Variants in TTLL5 observed in about 807,000 individuals in gnomAD.
TTLL5 encodes tubulin tyrosine ligase like 5.
Under a neutral mutation model 168.4 loss-of-function variants are expected in TTLL5, and 132 were observed. The ratio of observed to expected loss-of-function variants is 0.78; its 90% CI spans 0.68 to 0.91. TTLL5 has a LOEUF of 0.91. TTLL5 is among the 40% of genes least tolerant of loss of function. TTLL5 has a pLI of 0.00. For missense variants in TTLL5, 1,545 were observed against 1,581.5 expected, an observed-to-expected ratio of 0.98 and a Z score of 0.39; for synonymous variants, 546 against 558.6, an observed-to-expected ratio of 0.98 and a Z score of 0.32.
intron 28 of TTLL5, among the ~76,000 whole-genome samples, chr14:75,845,742 T>C (rs987218766): frequency 2.0e-5 from 3 of 152,218 alleles, no homozygotes; most frequent in African/African-American, 7.2e-5. Context: ...CTGAGGTAAC[T>C]GATGGCCCAA....
chr14:75,946,047 G>T (rs1282641026), intron 31 of TTLL5, among the ~76,000 whole-genome samples: 1 of 152,326 alleles, frequency 6.6e-6, no homozygotes, highest in Non-Finnish European at 1.5e-5. Context: ...ACACGCAAAA[G>T]AGTTTGTCAC....
intron 29 of TTLL5, among the ~76,000 whole-genome samples, chr14:75,879,157 G>A (rs751898569): frequency 3.3e-5 from 5 of 152,182 alleles, no homozygotes; most frequent in Non-Finnish European, 5.9e-5. Flanking sequence ...AAGTACACAC[G>A]TAAGTGGCTA....
At chr14:75,826,940 C>G (rs1566621052) in intron 28 of TTLL5, among the ~76,000 whole-genome samples, 2 of 152,198 alleles carry the variant, frequency 1.3e-5, no homozygotes, top group Admixed American at 6.6e-5. Context: ...CTGCCCTTCT[C>G]GCTGCTAAAA....
intron 12 of TTLL5, among the ~76,000 whole-genome samples, chr14:75,725,180 C>T (rs528702384): frequency 1.3e-4 from 20 of 152,210 alleles, no homozygotes; most frequent in Non-Finnish European, 2.5e-4. Flanking sequence ...CATTCTTGAC[C>T]ATTTCACAGG....
At chr14:75,889,570 A>C (rs2032286561) in intron 30 of TTLL5, among the ~76,000 whole-genome samples, 1 of 152,158 alleles carries the variant, frequency 6.6e-6, no homozygotes, top group African/African-American at 2.4e-5. Flanking sequence ...TCACACCTGT[A>C]ATCCCAGCAC....
chr14:75,811,163 G>A (rs989263464), intron 27 of TTLL5, among the ~76,000 whole-genome samples: 1 of 136,558 alleles, frequency 7.3e-6, no homozygotes, highest in Admixed American at 7.2e-5. Flanking sequence ...AAGAGTGTGT[G>A]TGTGTGTGTG....
At chr14:75,766,857 G>A (rs1188159603) in intron 20 of TTLL5, among the ~76,000 whole-genome samples, 1 of 152,028 alleles carries the variant, frequency 6.6e-6, no homozygotes, top group African/African-American at 2.4e-5. Context: ...GGAGTGCTAG[G>A]TAGAGGCAAT....
intron 31 of TTLL5, among the ~76,000 whole-genome samples, chr14:75,941,007 TC>T (rs1481825065): frequency 2.0e-5 from 3 of 152,206 alleles, no homozygotes; most frequent in Non-Finnish European, 4.4e-5. Context: ...AAGGAAATCT[TC>T]CCCCATAGAT....
intron 30 of TTLL5, chr14:75,887,066 C>T (rs1432567904): frequency 8.4e-7 from 1 of 1,197,564 alleles, no homozygotes; most frequent in Admixed American, 4.2e-5. Flanking sequence ...TGATTCTCAT[C>T]AGGGTGACCT....
intron 12 of TTLL5, among the ~76,000 whole-genome samples, chr14:75,731,408 C>T (rs1308498327): frequency 6.6e-6 from 1 of 151,386 alleles, no homozygotes; most frequent in Non-Finnish European, 1.5e-5. Flanking sequence ...CACACACACA[C>T]ACACACACAC....
chr14:75,884,840 G>A (rs1276365731), intron 30 of TTLL5, among the ~76,000 whole-genome samples: 1 of 151,598 alleles, frequency 6.6e-6, no homozygotes, highest in Non-Finnish European at 1.5e-5. Context: ...ACAGTGAAAA[G>A]TTCCCCCTAT....
chr14:75,863,909 G>A (rs777376109), intron 29 of TTLL5, 47 bp downstream of exon 29: 1 of 87,482 alleles, frequency 1.1e-5, no homozygotes, highest in East Asian at 1.4e-4. Context: ...TCCTGCTGTT[G>A]GTAAAAAAAA....
intron 28 of TTLL5, among the ~76,000 whole-genome samples, chr14:75,826,878 A>G (rs1895179233): frequency 6.6e-6 from 1 of 152,114 alleles, no homozygotes; most frequent in South Asian, 2.1e-4. Flanking sequence ...TATTGACTCA[A>G]CAAATTTAGA....
intron 27 of TTLL5, among the ~76,000 whole-genome samples, chr14:75,807,237 C>T (rs1038149990): frequency 7.9e-5 from 12 of 152,118 alleles, no homozygotes; most frequent in African/African-American, 2.7e-4. Flanking sequence ...CGCTTGAGCT[C>T]GGGAGTTCTA....
intron 30 of TTLL5, among the ~76,000 whole-genome samples, chr14:75,892,223 T>C (rs1024780971): frequency 1.3e-5 from 2 of 152,190 alleles, no homozygotes; most frequent in African/African-American, 2.4e-5. Context: ...ATTTCCCCCC[T>C]GTGCTGCAAA....
At position 75,809,393 on chromosome 14, in the gene TTLL5, G is replaced by T. The variant is rs559057045; in HGVS notation, c.3172-10614G>T. Among the ~76,000 whole-genome samples the T allele has an allele frequency of 7.9e-5, 12 of 152,208 alleles. No individual in the cohort carries two copies. In the East Asian group the frequency reaches 2.3e-3, roughly 29 times the overall value. On this transcript the variant is annotated intron_variant, in intron 27 of 31. Transcript: ENST00000298832. Reference sequence around the variant, plus strand: ...ACATTCTTTATATATTTCAGTGATAGCCCCACATTAGGCTGTAATCTCCAT... The same window carrying T: ...ACATTCTTTATATATTTCAGTGATATCCCCACATTAGGCTGTAATCTCCAT...
At chr14:75,941,455 C>T (rs1014757249) in intron 31 of TTLL5, 4 of 152,160 alleles carry the variant, frequency 2.6e-5, no homozygotes, top group African/African-American at 9.7e-5. Context: ...CAGGGCTGCC[C>T]AGATCAGTTG....
intron 31 of TTLL5, among the ~76,000 whole-genome samples, chr14:75,952,884 G>A (rs908404069): frequency 2.0e-5 from 3 of 152,278 alleles, no homozygotes; most frequent in South Asian, 2.1e-4. Flanking sequence ...GGGTGGTGGC[G>A]AAGAAGTATG....
At chr14:75,667,750 T>TG in intron 2 of TTLL5, among the ~76,000 whole-genome samples, 2 of 132,362 alleles carry the variant, frequency 1.5e-5, no homozygotes, top group East Asian at 2.1e-4. Flanking sequence ...GATCTTTTTA[T>TG]GTTTTTTTTT....
Sources: gnomAD v4.1 joint callset for allele counts (sites outside exome capture counted in the v4.1 genomes callset) on GRCh38, gnomAD v4.1.1 for gene constraint, MANE v1.5 for transcripts, NCBI Gene and HGNC (gene_info 2026-07-23, HGNC 2026-07-21) for gene names.